ABHD3: variants seen among roughly 807,000 people sequenced by gnomAD.
ABHD3 encodes the protein phospholipase ABHD3.
ABHD3 carries 46 observed loss-of-function variants against 48.8 expected under a neutral mutation model. That is an observed-to-expected ratio of 0.94 (90% confidence interval 0.74 to 1.20). The LOEUF (loss-of-function observed/expected upper bound fraction) is 1.20. Among genes scored for constraint, ABHD3 ranks in the 50% most tolerant of loss-of-function variants. The pLI is 0.00. For missense variants in ABHD3, 490 were observed against 497.8 expected (o/e 0.98, Z 0.15); for synonymous variants, 192 against 183.7 (o/e 1.04, Z -0.36).
At chr18:21,686,567 A>G (rs1427728772) in intron 3 of ABHD3, among the ~76,000 whole-genome samples, 1 of 152,204 alleles carries the variant, frequency 6.6e-6, no homozygotes, top group African/African-American at 2.4e-5. Context: ...CCTTCAGGCA[A>G]CTTTGGAAAG....
intron 4 of ABHD3, among the ~76,000 whole-genome samples, chr18:21,683,177 C>G (rs1056507362): frequency 6.6e-6 from 1 of 151,776 alleles, no homozygotes; most frequent in Non-Finnish European, 1.5e-5. Flanking sequence ...TTGCCTTTGA[C>G]CTGTTGAGAT....
chr18:21,703,962 GTTTGTT>G (rs928247893), intron 1 of ABHD3: 24 of 551,326 alleles, frequency 4.4e-5, no homozygotes, highest in South Asian at 9.8e-5. Flanking sequence ...AAGGGAGTTT[GTTTGTT>G]TTTAACTCCG....
At position 21,659,193 on chromosome 18, in the gene ABHD3, G is replaced by T; in HGVS notation, c.819C>A (p.Thr273=). The stretch of plus-strand genomic sequence containing the variant: ...ACTTATTAACTGAAGACTGAAGGCA[G>T]GTTGTCAAATAGTAATTAAAAAGTA... ...NWLLFNYYLT[T]CLQSSVNKHR... The change falls in exon 6 of 9, where the codon ACC becomes ACA. Residue 273 remains threonine (T), a synonymous_variant. Transcript: ENST00000289119. 6.2e-7 allele frequency: 1 copy of T among 1,613,524 alleles called. No individual in the cohort carries two copies. The highest frequency in any genetic ancestry group is 8.5e-7 in the Non-Finnish European group (1 of 1,179,854).
At position 21,702,446 on chromosome 18, in the gene ABHD3, T is replaced by C; in HGVS notation, c.379A>G (p.Asn127Asp). 1 of 1,613,166 alleles carries C rather than the reference T, an allele frequency of 6.2e-7. No individual in the cohort carries two copies. Among genetic ancestry groups the C allele is most frequent in the Non-Finnish European group, 8.5e-7 (1 of 1,179,448 alleles). ...GGQISLDWFD[N>D]DNSTCYMDAS... is the part of the protein sequence containing the mutation. ...TCCATATAACACGTACTGTTATCAT[T>C]ATCAAACCAGTCCAGTGAAATCTGT... Residue 127 changes from asparagine (N) to aspartate (D), a missense_variant, in exon 3 of 9, where the codon AAT becomes GAT. Physicochemically the swap from Asn to Asp is conservative, Grantham distance 23. Transcript: ENST00000289119.
intron 4 of ABHD3, among the ~76,000 whole-genome samples, chr18:21,676,739 G>A (rs565338820): frequency 1.3e-5 from 2 of 152,304 alleles, no homozygotes; most frequent in African/African-American, 4.8e-5. Flanking sequence ...TCTGGGACTA[G>A]AGTCAGGTAC....
chr18:21,651,999 G>T (rs1304929522), intron 8 of ABHD3, among the ~76,000 whole-genome samples: 1 of 152,096 alleles, frequency 6.6e-6, no homozygotes. Flanking sequence ...ATTTTGGGAA[G>T]AATCAATCCA....
chr18:21,661,102 T>TAA (rs35710540), intron 5 of ABHD3, among the ~76,000 whole-genome samples: 2,017 of 56,762 alleles, frequency 0.036, 90 homozygotes, highest in African/African-American at 0.08. Flanking sequence ...AACTACAAGC[T>TAA]AAAAAAAAAA....
chr18:21,657,474 G>A (rs1373268248), intron 6 of ABHD3, among the ~76,000 whole-genome samples: 1 of 151,842 alleles, frequency 6.6e-6, no homozygotes, highest in Non-Finnish European at 1.5e-5. Context: ...GAGTAGCTGG[G>A]ACTACAGGTG....
chr18:21,698,169 C>G (rs1325227508), intron 3 of ABHD3, among the ~76,000 whole-genome samples: 2 of 151,764 alleles, frequency 1.3e-5, no homozygotes, highest in Admixed American at 6.6e-5. Context: ...TGTACTCATT[C>G]TTTTGAATTA....
chr18:21,651,912 A>G, intron 8 of ABHD3, 149 bp from the exon 9 acceptor site: 3 of 681,972 alleles, frequency 4.4e-6, no homozygotes, highest in African/African-American at 1.8e-5. Context: ...TAATGAGCAT[A>G]GTTAAATGGA....
intron 4 of ABHD3, among the ~76,000 whole-genome samples, chr18:21,681,190 CA>C (rs2039998772): frequency 6.6e-6 from 1 of 152,090 alleles, no homozygotes; most frequent in African/African-American, 2.4e-5. Context: ...CCAGTACATC[CA>C]AAAACTTACT....
intron 6 of ABHD3, among the ~76,000 whole-genome samples, chr18:21,658,962 C>G (rs2039419007): frequency 6.6e-6 from 1 of 151,994 alleles, no homozygotes; most frequent in African/African-American, 2.4e-5. Flanking sequence ...CCTCAGCCTC[C>G]TAAGTAGCTG....
chr18:21,680,188 G>T (rs1444386104), intron 4 of ABHD3, among the ~76,000 whole-genome samples: 6 of 150,720 alleles, frequency 4.0e-5, no homozygotes, highest in Admixed American at 4.0e-4. Context: ...TAATTTTTTT[G>T]TATTTTTAGT....
At chr18:21,660,147 ATTT>A (rs1303103294) in intron 5 of ABHD3, among the ~76,000 whole-genome samples, 1 of 83,822 alleles carries the variant, frequency 1.2e-5, no homozygotes, top group Non-Finnish European at 2.1e-5. Context: ...AAAAAAAAAA[ATTT>A]TTTTTTTTTT....
intron 4 of ABHD3, among the ~76,000 whole-genome samples, chr18:21,677,616 T>G (rs1269847439): frequency 6.6e-6 from 1 of 152,176 alleles, no homozygotes; most frequent in Non-Finnish European, 1.5e-5. Context: ...CTTTTGGCTA[T>G]TATGAATAAT....
intron 3 of ABHD3, among the ~76,000 whole-genome samples, chr18:21,694,536 T>C (rs889839109): frequency 5.3e-5 from 8 of 152,226 alleles, no homozygotes; most frequent in African/African-American, 1.9e-4. Context: ...ATCCTAATTC[T>C]GTCAAACCAT....
intron 3 of ABHD3, among the ~76,000 whole-genome samples, chr18:21,694,052 A>C (rs1277823985): frequency 2.0e-5 from 3 of 152,132 alleles, no homozygotes; most frequent in African/African-American, 7.2e-5. Context: ...TTCAAATGAC[A>C]TTTACTTGCT....
intron 3 of ABHD3, among the ~76,000 whole-genome samples, chr18:21,696,701 T>TTTA (rs1423982366): frequency 1.3e-5 from 2 of 152,036 alleles, no homozygotes; most frequent in Non-Finnish European, 2.9e-5. Context: ...TTTCTGGTCT[T>TTTA]TTATTATTAT....
intron 4 of ABHD3, among the ~76,000 whole-genome samples, chr18:21,679,486 A>T (rs887136050): frequency 3.9e-5 from 6 of 152,246 alleles, no homozygotes; most frequent in Non-Finnish European, 7.3e-5. Flanking sequence ...TTAATACAGT[A>T]GTAGTTATGC....
Sources: gnomAD v4.1 joint callset for allele counts (sites outside exome capture counted in the v4.1 genomes callset) on GRCh38, gnomAD v4.1.1 for gene constraint, MANE v1.5 for transcripts, NCBI Gene and HGNC (gene_info 2026-07-23, HGNC 2026-07-21) for gene names.